The following MTUS2 variants were observed in gnomAD, a reference collection of about 807,000 sequenced individuals.
The protein encoded by MTUS2 is microtubule-associated tumor suppressor candidate 2.
MTUS2 carries 40 observed loss-of-function variants against 114.1 expected under a neutral mutation model. The observed-to-expected ratio is 0.35, with a 90% CI of 0.27 to 0.46. The LOEUF (loss-of-function observed/expected upper bound fraction) is 0.46. Among genes scored for constraint, MTUS2 ranks in the 20% least tolerant of loss-of-function variants. The probability of loss-of-function intolerance (pLI) is 1.00; values close to 1 mark genes in which losing one functional copy is unlikely to be tolerated. For synonymous variants in MTUS2, 688 were observed against 672.0 expected, an observed-to-expected ratio of 1.02 and a Z score of -0.37; for missense variants, 1,679 against 1,705.4, an observed-to-expected ratio of 0.98 and a Z score of 0.27.
intron 5 of MTUS2, among the ~76,000 whole-genome samples, chr13:29,265,721 G>C (rs985007603): frequency 1.3e-5 from 2 of 152,186 alleles, no homozygotes; most frequent in Non-Finnish European, 2.9e-5. Flanking sequence ...GGCAAAAGCA[G>C]GAGCAAGGAG....
intron 5 of MTUS2, among the ~76,000 whole-genome samples, chr13:29,164,556 C>T (rs1263533429): frequency 6.6e-6 from 1 of 152,176 alleles, no homozygotes; most frequent in Non-Finnish European, 1.5e-5. Context: ...TTCAGTCTAT[C>T]ATGTGATATA....
At chr13:29,008,342 G>A (rs538564111) in intron 2 of MTUS2, among the ~76,000 whole-genome samples, 2 of 152,246 alleles carry the variant, frequency 1.3e-5, no homozygotes, top group South Asian at 4.1e-4. Context: ...CTTAATAAAT[G>A]CAATCAACCA....
chr13:29,026,176 G>A lies in MTUS2; in HGVS notation c.1478G>A (p.Arg493His), dbSNP rs753146187. The stretch of plus-strand genomic sequence containing the variant: ...GAGCCCCTGGACCCTCAAAGTGGCC[G>A]CTCAGAAGCACGGGAAAGCAAAGAG... ...VPEPLDPQSG[R>H]SEARESKEVT... The change falls in exon 3 of 16, where the codon CGC becomes CAC. Residue 493 changes from arginine (R) to histidine (H), a missense_variant. This residue lies in a region of MTUS2 where 843 missense variants were observed against 770.8 expected (regional missense o/e 1.09). Coordinates refer to ENST00000612955, the MANE Select transcript of MTUS2 (RefSeq NM_001033602.4). 4.2e-5 allele frequency: 67 copies of A among 1,613,836 alleles called. No homozygotes were observed. In the East Asian group the frequency reaches 5.6e-4, roughly 13 times the overall value.
At chr13:29,470,574 C>T (rs1214480223) in intron 9 of MTUS2, among the ~76,000 whole-genome samples, 1 of 152,236 alleles carries the variant, frequency 6.6e-6, no homozygotes, top group Non-Finnish European at 1.5e-5. Context: ...TCCATCCTTG[C>T]CTCCTACAGT....
chr13:28,987,913 A>G (rs1480748452), intron 2 of MTUS2, among the ~76,000 whole-genome samples: 1 of 152,218 alleles, frequency 6.6e-6, no homozygotes, highest in African/African-American at 2.4e-5. Context: ...TTGGCACACA[A>G]GCTGTGAGTT....
chr13:29,071,695 G>A (rs1888946972), intron 4 of MTUS2, among the ~76,000 whole-genome samples: 1 of 151,778 alleles, frequency 6.6e-6, no homozygotes, highest in South Asian at 2.1e-4. Flanking sequence ...CAAAGTGCTG[G>A]GATTACAGCT....
At chr13:29,449,182 AATAAAG>A (rs142037937) in intron 9 of MTUS2, among the ~76,000 whole-genome samples, 9,725 of 152,174 alleles carry the variant, frequency 0.064, 1,023 homozygotes, top group African/African-American at 0.22. Context: ...TATAATATAA[AATAAAG>A]ATATAGAAAA....
At chr13:28,855,945 G>T (rs932671414) in intron 2 of MTUS2, among the ~76,000 whole-genome samples, 1 of 152,038 alleles carries the variant, frequency 6.6e-6, no homozygotes, top group Non-Finnish European at 1.5e-5. Context: ...GTTGTTTCTT[G>T]ACTTTAATAA....
At chr13:29,175,055 A>G (rs187905565) in intron 5 of MTUS2, among the ~76,000 whole-genome samples, 111 of 152,338 alleles carry the variant, frequency 7.3e-4, no homozygotes, top group African/African-American at 2.5e-3. Context: ...AGTCTTATAC[A>G]TAACCAGGAT....
At chr13:29,280,709 T>C (rs1049468251) in intron 5 of MTUS2, among the ~76,000 whole-genome samples, 1 of 152,206 alleles carries the variant, frequency 6.6e-6, no homozygotes, top group Non-Finnish European at 1.5e-5. Flanking sequence ...GATGGTCATA[T>C]TCCTACCACT....
chr13:28,981,928 G>A (rs936526011), intron 2 of MTUS2, among the ~76,000 whole-genome samples: 2 of 152,200 alleles, frequency 1.3e-5, no homozygotes, highest in African/African-American at 2.4e-5. Context: ...TGGAGGGAAT[G>A]GGGAAGCCTG....
At chr13:29,366,502 G>A (rs1311162973) in intron 8 of MTUS2, among the ~76,000 whole-genome samples, 3 of 152,012 alleles carry the variant, frequency 2.0e-5, no homozygotes, top group Non-Finnish European at 4.4e-5. Context: ...GAAAATCATC[G>A]CCCGCTAGCT....
chr13:29,415,338 A>G (rs1372904547), intron 8 of MTUS2, among the ~76,000 whole-genome samples: 1 of 152,196 alleles, frequency 6.6e-6, no homozygotes, highest in Non-Finnish European at 1.5e-5. Context: ...CACTTTATCC[A>G]TTTTGAATCA....
chr13:29,304,972 G>A (rs1899377055), intron 6 of MTUS2, among the ~76,000 whole-genome samples: 1 of 152,000 alleles, frequency 6.6e-6, no homozygotes, highest in Non-Finnish European at 1.5e-5. Context: ...TAGAATTCAA[G>A]ATTAAGAAAC....
At chr13:29,003,949 A>G (rs1885492333) in intron 2 of MTUS2, among the ~76,000 whole-genome samples, 1 of 152,166 alleles carries the variant, frequency 6.6e-6, no homozygotes, top group Non-Finnish European at 1.5e-5. Context: ...CAAAGGCTCA[A>G]GTAAGAGCAC....
chr13:28,989,571 TG>T (rs1024260462), intron 2 of MTUS2, among the ~76,000 whole-genome samples: 2 of 152,210 alleles, frequency 1.3e-5, no homozygotes, highest in African/African-American at 4.8e-5. Flanking sequence ...TCTATGAATC[TG>T]GGTCACAGTT....
chr13:28,969,861 A>G (rs1238915814), intron 2 of MTUS2, among the ~76,000 whole-genome samples: 3 of 151,962 alleles, frequency 2.0e-5, no homozygotes, highest in Non-Finnish European at 1.5e-5. Context: ...GCTCACTGCA[A>G]CCTCTGCCTC....
intron 7 of MTUS2, among the ~76,000 whole-genome samples, chr13:29,335,181 G>A (rs1900989991): frequency 6.6e-6 from 1 of 152,184 alleles, no homozygotes; most frequent in Non-Finnish European, 1.5e-5. Flanking sequence ...GAAAGAGAAT[G>A]CGTCCCTAAG....
intron 2 of MTUS2, among the ~76,000 whole-genome samples, chr13:29,012,639 C>T (rs976010077): frequency 6.6e-6 from 1 of 151,644 alleles, no homozygotes; most frequent in African/African-American, 2.4e-5. Context: ...TTTGGGAGGC[C>T]GAGGCGGGCG....
Sources: gnomAD v4.1 joint callset for allele counts (sites outside exome capture counted in the v4.1 genomes callset) on GRCh38, gnomAD v4.1.1 for gene constraint, gnomAD v4.1.1 regional missense constraint, MANE v1.5 for transcripts, NCBI Gene and HGNC (gene_info 2026-07-23, HGNC 2026-07-21) for gene names.